Variants in RUFY3 observed in about 807,000 individuals in gnomAD.
The protein encoded by RUFY3 is protein RUFY3.
In RUFY3, 34 loss-of-function variants were observed where a neutral mutation model predicts 84.0. The ratio of observed to expected loss-of-function variants is 0.40; its 90% confidence interval spans 0.31 to 0.54. The LOEUF (loss-of-function observed/expected upper bound fraction) is 0.54, where lower values mean the gene tolerates loss of function less well. Ranked by LOEUF, RUFY3 falls within the 20% of genes least tolerant of loss-of-function variation. The pLI is 0.39. For missense variants in RUFY3, 507 were observed against 736.8 expected, an observed-to-expected ratio of 0.69 and a Z score of 3.61; for synonymous variants, 242 against 252.9, an observed-to-expected ratio of 0.96 and a Z score of 0.41.
chr4:70,793,651 C>T, intron 12 of RUFY3, 134 bp from the exon 13 acceptor site: 2 of 1,542,994 alleles, frequency 1.3e-6, no homozygotes, highest in Non-Finnish European at 1.7e-6. Context: ...CACCTGTGTC[C>T]TGCAAAGTTT....
intron 14 of RUFY3, among the ~76,000 whole-genome samples, chr4:70,798,924 G>A (rs2148816292): frequency 6.6e-6 from 1 of 151,924 alleles, no homozygotes; most frequent in East Asian, 1.9e-4. Context: ...GCCAAGGTGG[G>A]CAGACTACCT....
intron 1 of RUFY3, among the ~76,000 whole-genome samples, chr4:70,744,532 C>T (rs1721857262): frequency 6.6e-6 from 1 of 152,122 alleles, no homozygotes; most frequent in African/African-American, 2.4e-5. Context: ...AGAGTGTTAA[C>T]ACTGGCTTCT....
chr4:70,752,667 G>A (rs1484650898), intron 1 of RUFY3, among the ~76,000 whole-genome samples: 1 of 152,158 alleles, frequency 6.6e-6, no homozygotes, highest in Non-Finnish European at 1.5e-5. Flanking sequence ...CTAATGAAAT[G>A]ACCATGTGAT....
chr4:70,783,011 C>T (rs912633465), intron 8 of RUFY3, 80 bp from the exon 9 acceptor site: 8 of 813,412 alleles, frequency 9.8e-6, no homozygotes, highest in African/African-American at 8.7e-5. Context: ...CTGAGAATTA[C>T]ATCCTAGCAG....
intron 1 of RUFY3, among the ~76,000 whole-genome samples, chr4:70,711,064 GAAAAAAAAAA>G (rs950005722): frequency 3.3e-4 from 18 of 54,092 alleles, no homozygotes; most frequent in South Asian, 7.2e-4. Flanking sequence ...ACTCCGTCTG[GAAAAAAAAAA>G]AAAAAAAAAA....
At chr4:70,733,194 C>T (rs952784675) in intron 1 of RUFY3, among the ~76,000 whole-genome samples, 1 of 150,348 alleles carries the variant, frequency 6.7e-6, no homozygotes, top group African/African-American at 2.5e-5. Flanking sequence ...TGGATTTTGT[C>T]TTCCTCCATT....
exon 1 of RUFY3, chr4:70,705,131 C>T: frequency 3.5e-6 from 5 of 1,442,898 alleles, no homozygotes; most frequent in South Asian, 1.4e-5. Context: ...CCGCCCCCTT[C>T]TTCCTGCTGT....
At chr4:70,755,600 C>T (rs976385049) in intron 1 of RUFY3, among the ~76,000 whole-genome samples, 2 of 152,090 alleles carry the variant, frequency 1.3e-5, no homozygotes, top group Admixed American at 1.3e-4. Flanking sequence ...TATTAAAATA[C>T]CCTTATATGG....
At chr4:70,796,663 A>G (rs1731546364) in intron 14 of RUFY3, among the ~76,000 whole-genome samples, 1 of 152,190 alleles carries the variant, frequency 6.6e-6, no homozygotes, top group Non-Finnish European at 1.5e-5. Context: ...CTTCAATTAG[A>G]GCATGAACAA....
intron 2 of RUFY3, 29 bp downstream of exon 2, chr4:70,762,721 G>T (rs759320641): frequency 6.3e-7 from 1 of 1,585,844 alleles, no homozygotes; most frequent in East Asian, 2.3e-5. Context: ...ATGCAAATAT[G>T]CATGCAGCTG....
At chr4:70,763,783 A>G (rs1725407989) in intron 3 of RUFY3, 114 bp downstream of exon 3, 2 of 1,292,056 alleles carry the variant, frequency 1.5e-6, no homozygotes, top group Non-Finnish European at 2.1e-6. Flanking sequence ...ACAATCCAAA[A>G]TGCATGATGT....
At chr4:70,705,933 A>G (rs1392199809) in intron 1 of RUFY3, among the ~76,000 whole-genome samples, 1 of 152,200 alleles carries the variant, frequency 6.6e-6, no homozygotes, top group African/African-American at 2.4e-5. Context: ...CAAGAAGGGA[A>G]TGTGTGGCTT....
intron 1 of RUFY3, among the ~76,000 whole-genome samples, chr4:70,747,254 T>C (rs1289412062): frequency 6.6e-6 from 1 of 152,194 alleles, no homozygotes; most frequent in Non-Finnish European, 1.5e-5. Flanking sequence ...TGTTTAAACT[T>C]ATTTGACACA....
intron 10 of RUFY3, among the ~76,000 whole-genome samples, chr4:70,786,495 A>G (rs1290394345): frequency 6.6e-6 from 1 of 151,848 alleles, no homozygotes; most frequent in African/African-American, 2.4e-5. Flanking sequence ...TGTTCTTGGT[A>G]TACCCATCAC....
At chr4:70,756,268 C>T (rs920654442) in intron 1 of RUFY3, among the ~76,000 whole-genome samples, 1 of 152,202 alleles carries the variant, frequency 6.6e-6, no homozygotes, top group Non-Finnish European at 1.5e-5. Context: ...TTATTTTCCT[C>T]TGCCATTGCA....
At chr4:70,791,601 A>G (rs1730827620) in intron 12 of RUFY3, 3 of 1,187,672 alleles carry the variant, frequency 2.5e-6, no homozygotes, top group Admixed American at 4.3e-5. Flanking sequence ...AAGCCTAGGG[A>G]ATTGAAGCTC....
In RUFY3 at chr4:70,789,507, G is replaced by A; in HGVS notation, c.1252G>A (p.Gly418Arg). ...LAFKLQSSDLGVKQKSELNSR... is the reference protein window; with the variant it reads ...LAFKLQSSDLRVKQKSELNSR... ...TTTTCCATAACAGAGTTCAGACTTAGGAGTAAAACAGAAAAGTGAACTAAA... is the reference window on the plus strand; with the variant it reads ...TTTTCCATAACAGAGTTCAGACTTAAGAGTAAAACAGAAAAGTGAACTAAA... The change falls in exon 12 of 18, where the codon GGA becomes AGA. Residue 418 changes from glycine (G) to arginine (R), a missense_variant. By Grantham distance (125) the Gly-to-Arg change is moderately radical. This residue lies in a region of RUFY3 where 334 missense variants were observed against 364.1 expected (regional missense o/e 0.92). Coordinates refer to ENST00000381006, the MANE Select transcript of RUFY3 (RefSeq NM_001037442.4). 1 of 1,611,974 alleles carries A rather than the reference G, an allele frequency of 6.2e-7. No homozygotes were observed. The highest frequency in any genetic ancestry group is 8.5e-7 in the Non-Finnish European group (1 of 1,178,904).
chr4:70,792,058 T>G (rs1256344537), intron 12 of RUFY3: 1 of 985,684 alleles, frequency 1.0e-6, no homozygotes. Context: ...CTCTGCCGTT[T>G]TCCTGCAATT....
chr4:70,799,140 G>A (rs1386337161), intron 14 of RUFY3, among the ~76,000 whole-genome samples: 18 of 139,736 alleles, frequency 1.3e-4, no homozygotes, highest in Non-Finnish European at 1.7e-4. Flanking sequence ...GCAAGACTCC[G>A]TCTCAAAAAA....
Sources: allele counts gnomAD v4.1 joint callset (sites outside exome capture counted in the v4.1 genomes callset), GRCh38; gene constraint gnomAD v4.1.1; regional missense constraint gnomAD v4.1.1; transcripts MANE v1.5; gene names NCBI Gene and HGNC (gene_info 2026-07-23, HGNC 2026-07-21).